The following IL18R1 variants were observed in gnomAD, a reference collection of about 807,000 sequenced individuals.
IL18R1 encodes interleukin 18 receptor 1, also known as interleukin-18 receptor 1.
Under a neutral mutation model 48.5 loss-of-function variants are expected in IL18R1, and 40 were observed. The ratio of observed to expected loss-of-function variants is 0.82; its 90% CI spans 0.64 to 1.07. The LOEUF (loss-of-function observed/expected upper bound fraction) is 1.07. Ranked by LOEUF, IL18R1 falls within the 50% of genes least tolerant of loss-of-function variation. The pLI is 0.00. For missense variants in IL18R1, 596 were observed against 633.7 expected, an observed-to-expected ratio of 0.94 and a Z score of 0.64; for synonymous variants, 232 against 225.9, an observed-to-expected ratio of 1.03 and a Z score of -0.24.
chr2:102,356,445 C>G lies in IL18R1; in HGVS notation c.-29+45C>G, dbSNP rs766606252. 1.6e-4 allele frequency: 70 copies of G among 427,928 alleles called. 1 individual carries two copies. Among genetic ancestry groups the G allele is most frequent in the Non-Finnish European group, 2.0e-4 (64 of 319,960 alleles). 26.5% of individuals were successfully genotyped at this position (427,928 alleles called of 1,614,324 possible). The stretch of plus-strand genomic sequence containing the variant: ...CCACCCGCATCCCCTCCCCACCCCC[C>G]AGAGGAAGGGAAGACCACCATCCGG... On this transcript the variant is annotated intron_variant, in intron 1 of 10. Coordinates refer to ENST00000233957, the MANE Select transcript of IL18R1 (RefSeq NM_003855.5).
At chr2:102,383,474 G>A (rs1336165512) in intron 6 of IL18R1, among the ~76,000 whole-genome samples, 1 of 152,120 alleles carries the variant, frequency 6.6e-6, no homozygotes, top group Non-Finnish European at 1.5e-5. Flanking sequence ...TATCTTATAT[G>A]CATACACGGA....
intron 4 of IL18R1, chr2:102,374,107 C>A: frequency 4.6e-6 from 1 of 219,478 alleles, no homozygotes; most frequent in Non-Finnish European, 9.9e-6. Flanking sequence ...CCCGCTCAAC[C>A]CCTGCCCACC....
Position 102,356,230 on chromosome 2 carries a change from T to A in IL18R1, c.-199T>A. 18 of 284,424 alleles carry A rather than the reference T, an allele frequency of 6.3e-5. No homozygotes were observed. The highest frequency in any genetic ancestry group is 1.8e-4 in the East Asian group (1 of 5,534). 17.6% of individuals were successfully genotyped at this position (284,424 alleles called of 1,614,324 possible). A position where few individuals can be genotyped will look rare whatever the true frequency, so the allele number is the denominator to read the frequency against. On this transcript the variant is annotated 5_prime_UTR_variant, in exon 1 of 11. Coordinates refer to ENST00000233957, the MANE Select transcript of IL18R1 (RefSeq NM_003855.5). ...TTCTTTTTTTTTTTTTTTGTAGCCC[T>A]CTCTGGGTGCCTTATCTCTTTAATC...
chr2:102,366,081 T>C, intron 2 of IL18R1, among the ~76,000 whole-genome samples: 1 of 152,210 alleles, frequency 6.6e-6, no homozygotes, highest in East Asian at 1.9e-4. Flanking sequence ...TCCTCATTTC[T>C]TATGCAAATT....
chr2:102,387,153 C>T (rs143675970), intron 8 of IL18R1, among the ~76,000 whole-genome samples, 153 bp downstream of exon 8: 25 of 152,308 alleles, frequency 1.6e-4, no homozygotes, highest in African/African-American at 5.8e-4. Context: ...AGTGGGGCCC[C>T]TCTGTCTCAT....
intron 5 of IL18R1, among the ~76,000 whole-genome samples, chr2:102,380,412 C>T (rs3821203): frequency 0.24 from 36,144 of 152,074 alleles, 4,754 homozygotes; most frequent in East Asian, 0.4. Flanking sequence ...TTCCCCCTCA[C>T]ACCGAAATTG....
At chr2:102,382,707 C>T (rs1460143123) in intron 6 of IL18R1, among the ~76,000 whole-genome samples, 1 of 152,176 alleles carries the variant, frequency 6.6e-6, no homozygotes, top group East Asian at 1.9e-4. Context: ...CCAAAGTCCC[C>T]ACCTTATAAC....
At position 102,372,095 on chromosome 2, in the gene IL18R1, G is replaced by C. The variant is rs758228602; in HGVS notation, c.445G>C (p.Val149Leu). 3 of 1,601,224 alleles carry C rather than the reference G, an allele frequency of 1.9e-6. No homozygotes were observed. In the South Asian group the frequency reaches 3.4e-5, roughly 18 times the overall value. Reference protein sequence around the residue: ...TCENSYYQTLVNSTSLYKNCK... With the variant: ...TCENSYYQTLLNSTSLYKNCK... Reference sequence around the variant, plus strand: ...TGAAAACAGTTACTATCAAACACTGGTCAACAGCACATCATTGTATAAGGT... The same window carrying C: ...TGAAAACAGTTACTATCAAACACTGCTCAACAGCACATCATTGTATAAGGT... The change falls in exon 4 of 11, where the codon GTC (valine) becomes CTC (leucine). Residue 149 changes from valine (V) to leucine (L), a missense_variant. By Grantham distance (32) the Val-to-Leu change is conservative (BLOSUM62 1). Transcript: ENST00000233957.
chr2:102,358,438 A>G (rs1324704910), intron 1 of IL18R1, among the ~76,000 whole-genome samples: 1 of 152,122 alleles, frequency 6.6e-6, no homozygotes, highest in Non-Finnish European at 1.5e-5. Context: ...TCATTTAGAG[A>G]AAACTTCATG....
At chr2:102,387,900 CAG>C (rs1299781613) in intron 8 of IL18R1, among the ~76,000 whole-genome samples, 1 of 151,426 alleles carries the variant, frequency 6.6e-6, no homozygotes, top group Non-Finnish European at 1.5e-5. Context: ...GACAGAGACA[CAG>C]AGAGACAGAG....
intron 2 of IL18R1, among the ~76,000 whole-genome samples, chr2:102,365,096 A>G (rs1678810514): frequency 2.6e-5 from 4 of 152,052 alleles, no homozygotes; most frequent in Admixed American, 2.6e-4. Flanking sequence ...TCAAAACACA[A>G]TCATGCCCTT....
chr2:102,367,740 A>G, intron 2 of IL18R1, 85 bp from the exon 3 acceptor site: 2 of 1,135,544 alleles, frequency 1.8e-6, no homozygotes, highest in Non-Finnish European at 1.2e-6. Flanking sequence ...TTGCTTCTTC[A>G]CCTAATGCAT....
In IL18R1 at chr2:102,394,453, C is replaced by G; in HGVS notation, c.1112-16C>G. The G allele has an allele frequency of 6.3e-7, 1 of 1,583,540 alleles. No individual in the cohort carries two copies. Among genetic ancestry groups the G allele is most frequent in the Non-Finnish European group, 8.6e-7 (1 of 1,162,590 alleles). On this transcript the variant is annotated splice_polypyrimidine_tract_variant and intron_variant, in intron 9 of 10. Coordinates refer to ENST00000233957, the MANE Select transcript of IL18R1 (RefSeq NM_003855.5). Reference sequence around the variant, plus strand: ...TTATTTACACATGAATTAAAAGAGCCAATCTTACCTCCTAGATGGAAAAAC... The same window carrying G: ...TTATTTACACATGAATTAAAAGAGCGAATCTTACCTCCTAGATGGAAAAAC...
chr2:102,363,019 A>T (rs1268630852), intron 2 of IL18R1: 1 of 214,262 alleles, frequency 4.7e-6, no homozygotes. Context: ...GGAGGCAAAG[A>T]TTCATCTCAT....
At chr2:102,396,408 T>G (rs1680827829) in intron 10 of IL18R1, 123 bp from the exon 11 acceptor site, 1 of 571,968 alleles carries the variant, frequency 1.7e-6, no homozygotes, top group African/African-American at 1.9e-5. Flanking sequence ...ATGGTTTGTC[T>G]TAAAGAAAAA....
chr2:102,362,840 G>T, intron 2 of IL18R1, 122 bp downstream of exon 2: 2 of 577,290 alleles, frequency 3.5e-6, no homozygotes, highest in Non-Finnish European at 6.0e-6. Flanking sequence ...AAAAGATTCT[G>T]CAGTCTGAGT....
intron 8 of IL18R1, among the ~76,000 whole-genome samples, chr2:102,388,918 G>A (rs1680400830): frequency 6.6e-6 from 1 of 152,094 alleles, no homozygotes; most frequent in African/African-American, 2.4e-5. Context: ...TATGCTCATT[G>A]ACCTAGAGAT....
chr2:102,366,676 T>C (rs1678918345), intron 2 of IL18R1, among the ~76,000 whole-genome samples: 1 of 152,122 alleles, frequency 6.6e-6, no homozygotes, highest in African/African-American at 2.4e-5. Context: ...AAAGATTTAA[T>C]GGACTCAGTT....
At chr2:102,367,394 G>A (rs1396863651) in intron 2 of IL18R1, among the ~76,000 whole-genome samples, 2 of 152,270 alleles carry the variant, frequency 1.3e-5, no homozygotes, top group East Asian at 1.9e-4. Context: ...GAGGAAGAAC[G>A]CCAAGGTTGC....
Sources: allele counts gnomAD v4.1 joint callset (sites outside exome capture counted in the v4.1 genomes callset), GRCh38; gene constraint gnomAD v4.1.1; transcripts MANE v1.5; gene names NCBI Gene and HGNC (gene_info 2026-07-23, HGNC 2026-07-21).